SH3KBP1: variants seen among roughly 807,000 people sequenced by gnomAD.
SH3KBP1 encodes the protein SH3 domain-containing kinase-binding protein 1.
In SH3KBP1, 8 loss-of-function variants were observed where a neutral mutation model predicts 50.1. The ratio of observed to expected loss-of-function variants is 0.16; its 90% CI spans 0.09 to 0.29. The LOEUF is 0.29. Among genes scored for constraint, SH3KBP1 ranks in the 10% least tolerant of loss-of-function variants. The pLI is 1.00. For missense variants in SH3KBP1, 377 were observed against 535.2 expected (o/e 0.70, Z 2.92); for synonymous variants, 227 against 218.6 (o/e 1.04, Z -0.34).
intron 8 of SH3KBP1, among the ~76,000 whole-genome samples, chrX:19,630,322 A>C (rs2061547855): frequency 8.9e-6 from 1 of 112,345 alleles, no homozygotes; most frequent in Non-Finnish European, 1.9e-5. Flanking sequence ...AGTATTTCTA[A>C]AACCAAATTA....
intron 2 of SH3KBP1, among the ~76,000 whole-genome samples, chrX:19,814,656 A>T (rs2067303190): frequency 9.0e-6 from 1 of 111,598 alleles, no homozygotes; most frequent in Admixed American, 9.4e-5. Flanking sequence ...TCTTGACTTA[A>T]ATCACCTTTT....
At chrX:19,857,790 C>T (rs1000452441) in intron 1 of SH3KBP1, among the ~76,000 whole-genome samples, 19 of 111,474 alleles carry the variant, frequency 1.7e-4, no homozygotes, top group African/African-American at 5.2e-4. Flanking sequence ...CAAGTAAAAA[C>T]GGCCTTAATT....
chrX:19,799,484 T>G (rs1178952573), intron 2 of SH3KBP1: 2 of 549,852 alleles, frequency 3.6e-6, no homozygotes, highest in African/African-American at 2.4e-5. Context: ...TGGGGCCAAG[T>G]GGAAAACAGT....
chrX:19,642,735 CTT>C (rs1191861504), intron 7 of SH3KBP1, among the ~76,000 whole-genome samples: 4 of 111,089 alleles, frequency 3.6e-5, no homozygotes, highest in Non-Finnish European at 7.5e-5. Flanking sequence ...CAGTTTTCCT[CTT>C]GTTATGAAAA....
At chrX:19,542,906 G>C (rs2064970440) in intron 15 of SH3KBP1, among the ~76,000 whole-genome samples, 1 of 112,057 alleles carries the variant, frequency 8.9e-6, no homozygotes, top group South Asian at 3.7e-4. Context: ...GAAAGGGTGA[G>C]AGGAGGGCAC....
chrX:19,540,079 G>T (rs1266155148), intron 16 of SH3KBP1, among the ~76,000 whole-genome samples: 1 of 111,565 alleles, frequency 9.0e-6, no homozygotes, highest in Admixed American at 9.5e-5. Flanking sequence ...ATGCTCTGGG[G>T]TATCCTGGGG....
intron 1 of SH3KBP1, among the ~76,000 whole-genome samples, chrX:19,886,912 C>T (rs2069602148): frequency 9.2e-6 from 1 of 108,111 alleles, no homozygotes; most frequent in Admixed American, 9.7e-5. Context: ...AGCAGCCCCG[C>T]GCAGGGCCGG....
chrX:19,615,280 A>G lies in SH3KBP1; in HGVS notation c.898-7235T>C, dbSNP rs547186959. 2.7e-5 allele frequency among the ~76,000 whole-genome samples: 3 copies of G among 112,498 alleles called. No homozygotes were observed. In the South Asian group the frequency reaches 1.1e-3, roughly 42 times the overall value. On this transcript the variant is annotated intron_variant, in intron 8 of 17. Transcript: ENST00000397821. ...AAAAATGGGTACACCACTTGATGCA[A>G]ACGAAAAAGAAATGTATTCTGCTCA...
chrX:19,628,566 G>A (rs2061505311), intron 8 of SH3KBP1, among the ~76,000 whole-genome samples: 1 of 111,577 alleles, frequency 9.0e-6, no homozygotes, highest in Non-Finnish European at 1.9e-5. Context: ...CCGGCAAACT[G>A]GAATGCTAGG....
chrX:19,876,960 C>T (rs936166754), intron 1 of SH3KBP1, among the ~76,000 whole-genome samples: 1 of 111,278 alleles, frequency 9.0e-6, no homozygotes, highest in South Asian at 3.7e-4. Flanking sequence ...CTTTTCCCCC[C>T]ACAATCCACC....
At position 19,808,425 on chromosome X, in the gene SH3KBP1, C is replaced by T. The variant is rs1421170989; in HGVS notation, c.162+27700G>A. Among the ~76,000 whole-genome samples, 3 of 110,534 alleles carry T rather than the reference C, an allele frequency of 2.7e-5. No homozygotes were observed. The Admixed American group carries it at 2.9e-4, about 11-fold the overall frequency. On this transcript the variant is annotated intron_variant, in intron 2 of 17. Transcript: ENST00000397821. ...GGTTAATTCACCAGGGCCCTCAGACCATAGCCTTCCTCTGCAGAATAAGCC... is the reference window on the plus strand; with the variant it reads ...GGTTAATTCACCAGGGCCCTCAGACTATAGCCTTCCTCTGCAGAATAAGCC...
chrX:19,828,977 T>G (rs1344444537), intron 2 of SH3KBP1, among the ~76,000 whole-genome samples: 1 of 110,463 alleles, frequency 9.1e-6, no homozygotes, highest in Non-Finnish European at 1.9e-5. Flanking sequence ...CAGGCACAGG[T>G]ATGGCACCTC....
chrX:19,812,387 C>T (rs1451071243), intron 2 of SH3KBP1, among the ~76,000 whole-genome samples: 3 of 111,339 alleles, frequency 2.7e-5, no homozygotes, highest in Non-Finnish European at 5.7e-5. Context: ...TATCTCATCT[C>T]CCTCAGTGGC....
chrX:19,722,993 C>A (rs1269886338), intron 3 of SH3KBP1, among the ~76,000 whole-genome samples: 2 of 108,363 alleles, frequency 1.8e-5, no homozygotes, highest in Non-Finnish European at 3.8e-5. Context: ...CAAAACAAAA[C>A]AAAATTAGCC....
chrX:19,678,354 T>C (rs1346536563), intron 6 of SH3KBP1, among the ~76,000 whole-genome samples: 1 of 110,349 alleles, frequency 9.1e-6, no homozygotes, highest in Non-Finnish European at 1.9e-5. Flanking sequence ...AGGAGGTTTT[T>C]TTTTTTTTTT....
At chrX:19,588,191 G>A (rs1017071943) in intron 12 of SH3KBP1, 26 of 432,719 alleles carry the variant, frequency 6.0e-5, no homozygotes, top group Non-Finnish European at 9.2e-5. Flanking sequence ...GAAGAGCAGA[G>A]GGAGCCTGGG....
intron 2 of SH3KBP1, among the ~76,000 whole-genome samples, chrX:19,772,041 T>A (rs1026725935): frequency 5.4e-5 from 6 of 111,008 alleles, no homozygotes; most frequent in African/African-American, 2.0e-4. Flanking sequence ...ATTATCTTTC[T>A]GGTTCCTGCC....
At chrX:19,667,812 ATTTTTTTT>A (rs779927127) in intron 6 of SH3KBP1, among the ~76,000 whole-genome samples, 2 of 55,848 alleles carry the variant, frequency 3.6e-5, no homozygotes, top group African/African-American at 8.7e-5. Context: ...TTCTGTTGGG[ATTTTTTTT>A]TTTTTTTTTT....
intron 5 of SH3KBP1, chrX:19,687,469 T>C (rs1362444962): frequency 2.0e-6 from 1 of 499,390 alleles, no homozygotes; most frequent in African/African-American, 2.3e-5. Context: ...GGCACTTACT[T>C]AGACAAATAA....
Sources: gnomAD v4.1 joint callset for allele counts (sites outside exome capture counted in the v4.1 genomes callset) on GRCh38, gnomAD v4.1.1 for gene constraint, MANE v1.5 for transcripts, NCBI Gene and HGNC (gene_info 2026-07-23, HGNC 2026-07-21) for gene names.